Variants in COL23A1 observed in about 807,000 individuals in gnomAD.
COL23A1 encodes collagen alpha-1(XXIII) chain.
COL23A1 carries 97 observed loss-of-function variants against 99.3 expected under a neutral mutation model. That is an observed-to-expected ratio of 0.98 (90% CI 0.83 to 1.16). COL23A1 has a LOEUF of 1.16. Ranked by LOEUF, COL23A1 falls within the 50% of genes most tolerant of loss-of-function variation. The pLI is 0.00. For missense variants in COL23A1, 762 were observed against 757.4 expected, an observed-to-expected ratio of 1.01 and a Z score of -0.07; for synonymous variants, 320 against 308.2, an observed-to-expected ratio of 1.04 and a Z score of -0.40.
At chr5:178,249,979 G>GCA (rs1764942323) in intron 18 of COL23A1, 82 bp downstream of exon 18, 1 of 1,426,774 alleles carries the variant, frequency 7.0e-7, no homozygotes, top group Non-Finnish European at 9.6e-7. Context: ...GTGCACACAT[G>GCA]CACACGCACA....
chr5:178,328,807 A>G (rs996001754), intron 2 of COL23A1, among the ~76,000 whole-genome samples: 1 of 152,186 alleles, frequency 6.6e-6, no homozygotes, highest in African/African-American at 2.4e-5. Flanking sequence ...GGTCTATTAG[A>G]AAAATAAGAG....
At chr5:178,536,966 T>C (rs1760999396) in intron 2 of COL23A1, among the ~76,000 whole-genome samples, 1 of 152,158 alleles carries the variant, frequency 6.6e-6, no homozygotes, top group Non-Finnish European at 1.5e-5. Flanking sequence ...GATCTGACCC[T>C]GCAGAGCCAC....
chr5:178,351,090 T>G (rs554776979), intron 2 of COL23A1: 14 of 152,344 alleles, frequency 9.2e-5, no homozygotes, highest in African/African-American at 3.4e-4. Flanking sequence ...CTCCACTGAC[T>G]GTCCCCGCGG....
chr5:178,441,858 GAAGGAAACCTGTGGGCCCC>G (rs1254235083), intron 2 of COL23A1, among the ~76,000 whole-genome samples: 2 of 152,094 alleles, frequency 1.3e-5, no homozygotes, highest in African/African-American at 4.8e-5. Context: ...TGGCAGCAAT[GAAGGAAACCTGTGGGCCCC>G]AAGTCATCAA....
At chr5:178,325,461 C>T (rs1308505551) in intron 2 of COL23A1, among the ~76,000 whole-genome samples, 1 of 151,364 alleles carries the variant, frequency 6.6e-6, no homozygotes, top group Non-Finnish European at 1.5e-5. Context: ...AGCTGTGCTA[C>T]TCAAGTCTCC....
intron 5 of COL23A1, among the ~76,000 whole-genome samples, chr5:178,275,838 C>T (rs72819042): frequency 0.072 from 10,963 of 152,140 alleles, 469 homozygotes; most frequent in East Asian, 0.11. Context: ...CGGTCCTGAC[C>T]GATCAATGAC....
chr5:178,355,808 T>C (rs982471121), intron 2 of COL23A1, among the ~76,000 whole-genome samples: 1 of 152,188 alleles, frequency 6.6e-6, no homozygotes, highest in Non-Finnish European at 1.5e-5. Context: ...TGATCTGTGT[T>C]TAGCTGAATC....
At chr5:178,388,311 C>T (rs191848297) in intron 2 of COL23A1, among the ~76,000 whole-genome samples, 66 of 152,262 alleles carry the variant, frequency 4.3e-4, no homozygotes, top group African/African-American at 1.5e-3. Context: ...GCTGGGGTGG[C>T]ATGGGGATGA....
At chr5:178,325,534 A>C (rs1307693393) in intron 2 of COL23A1, among the ~76,000 whole-genome samples, 1 of 150,340 alleles carries the variant, frequency 6.7e-6, no homozygotes, top group African/African-American at 2.5e-5. Context: ...TACAATACCC[A>C]GCTAGGACAT....
At chr5:178,256,998 T>C (rs1765339962) in intron 13 of COL23A1, 70 bp from the exon 14 acceptor site, 2 of 1,459,422 alleles carry the variant, frequency 1.4e-6, no homozygotes, top group Non-Finnish European at 1.9e-6. Flanking sequence ...GAGGGGGGCG[T>C]GCCTCGGGGT....
chr5:178,380,252 T>TG (rs1009439387), intron 2 of COL23A1, among the ~76,000 whole-genome samples: 4 of 152,038 alleles, frequency 2.6e-5, no homozygotes, highest in South Asian at 4.2e-4. Flanking sequence ...CAGAACCTGC[T>TG]GGGGGGGACT....
intron 2 of COL23A1, among the ~76,000 whole-genome samples, chr5:178,385,491 G>C (rs572664621): frequency 4.0e-4 from 61 of 152,316 alleles, no homozygotes; most frequent in African/African-American, 1.5e-3. Context: ...CCAGGCTCCA[G>C]ACTGTTGGAG....
chr5:178,250,366 A>G (rs906636383), intron 17 of COL23A1, among the ~76,000 whole-genome samples: 6 of 152,232 alleles, frequency 3.9e-5, no homozygotes, highest in African/African-American at 1.4e-4. Flanking sequence ...TTCAGGTCAC[A>G]GAGCCCAGGA....
intron 1 of COL23A1, among the ~76,000 whole-genome samples, chr5:178,578,432 G>A (rs941909060): frequency 1.2e-4 from 19 of 152,134 alleles, no homozygotes; most frequent in African/African-American, 4.3e-4. Context: ...TAATATAACC[G>A]CCCAAGCCCC....
chr5:178,242,145 A>G lies in COL23A1; in HGVS notation c.1495-17T>C, dbSNP rs766227539. The stretch of plus-strand genomic sequence containing the variant: ...TCGTTCTCCCTGTGCAGGAGGGGAG[A>G]TGGTGGTATTGGTCATGGCTGCCAG... On this transcript the variant is annotated splice_polypyrimidine_tract_variant and intron_variant, in intron 26 of 28. Coordinates refer to ENST00000390654, the MANE Select transcript of COL23A1 (RefSeq NM_173465.4). 1.3e-6 allele frequency: 2 copies of G among 1,547,108 alleles called. No homozygotes were observed. Among genetic ancestry groups the G allele is most frequent in the Non-Finnish European group, 1.7e-6 (2 of 1,143,592 alleles).
chr5:178,477,774 G>A (rs1009719776), intron 2 of COL23A1, among the ~76,000 whole-genome samples: 1 of 152,174 alleles, frequency 6.6e-6, no homozygotes, highest in Non-Finnish European at 1.5e-5. Flanking sequence ...GGAAAGCCTT[G>A]TTGAAATACA....
Position 178,483,782 on chromosome 5 carries a change from G to A in COL23A1, c.361+76900C>T, listed in dbSNP as rs768585674. On this transcript the variant is annotated intron_variant, in intron 2 of 28. Coordinates refer to ENST00000390654, the MANE Select transcript of COL23A1 (RefSeq NM_173465.4). ...GCGGCCATCTTTACCCACAAAGCAC[G>A]TGGAGCCCGTGCAGCGGGGTTCCTC... Among the ~76,000 whole-genome samples, 82 of 152,350 alleles carry A rather than the reference G, an allele frequency of 5.4e-4. 1 individual carries two copies. Among genetic ancestry groups the A allele is most frequent in the Non-Finnish European group, 9.3e-4 (63 of 68,038 alleles).
At chr5:178,551,001 G>A (rs1035499215) in intron 2 of COL23A1, among the ~76,000 whole-genome samples, 1 of 151,986 alleles carries the variant, frequency 6.6e-6, no homozygotes, top group East Asian at 1.9e-4. Context: ...ACAGCAAACC[G>A]CTTGATTCTG....
At chr5:178,445,171 TAAC>T (rs1767090043) in intron 2 of COL23A1, among the ~76,000 whole-genome samples, 1 of 152,238 alleles carries the variant, frequency 6.6e-6, no homozygotes, top group Non-Finnish European at 1.5e-5. Flanking sequence ...TTTGTTAATA[TAAC>T]TTACGACATT....
Sources: allele counts gnomAD v4.1 joint callset (sites outside exome capture counted in the v4.1 genomes callset), GRCh38; gene constraint gnomAD v4.1.1; transcripts MANE v1.5; gene names NCBI Gene and HGNC (gene_info 2026-07-23, HGNC 2026-07-21).